PIKFYVE: variants seen among roughly 807,000 people sequenced by gnomAD.
PIKFYVE encodes phosphoinositide kinase, FYVE-type zinc finger containing, also known as 1-phosphatidylinositol 3-phosphate 5-kinase.
Under a neutral mutation model 257.9 loss-of-function variants are expected in PIKFYVE, and 122 were observed. The ratio of observed to expected loss-of-function variants is 0.47; its 90% confidence interval spans 0.41 to 0.55. PIKFYVE has a LOEUF of 0.55. Ranked by LOEUF, PIKFYVE falls within the 20% of genes least tolerant of loss-of-function variation. The pLI is 0.00. For synonymous variants in PIKFYVE, 892 were observed against 868.9 expected (o/e 1.03, Z -0.47); for missense variants, 2,160 against 2,536.6 (o/e 0.85, Z 3.19).
chr2:208,352,463 G>A (rs999724983), intron 38 of PIKFYVE, among the ~76,000 whole-genome samples, 191 bp from the exon 39 acceptor site: 1 of 152,098 alleles, frequency 6.6e-6, no homozygotes, highest in African/African-American at 2.4e-5. Flanking sequence ...AGAATGTTAA[G>A]GATCTAATAT....
chr2:208,271,036 CAA>C (rs199927508), intron 1 of PIKFYVE, among the ~76,000 whole-genome samples: 48 of 80,414 alleles, frequency 6.0e-4, no homozygotes, highest in Admixed American at 9.7e-4. Flanking sequence ...ACTCCATCTC[CAA>C]AAAAAAAAAA....
chr2:208,356,952 T>C lies in PIKFYVE; in HGVS notation c.*1647T>C, dbSNP rs1366487028. 1.3e-5 allele frequency: 2 copies of C among 152,620 alleles called. No homozygotes were observed. Among genetic ancestry groups the C allele is most frequent in the African/African-American group, 4.8e-5 (2 of 41,450 alleles). 9.5% of individuals were successfully genotyped at this position (152,620 alleles called of 1,614,324 possible). ...TGATGAATACTTGAATTAGGAACAT[T>C]GTGGAAAATTTGCTTTAGAGAATCA... On this transcript the variant is annotated 3_prime_UTR_variant, in exon 42 of 42. Coordinates refer to ENST00000264380, the MANE Select transcript of PIKFYVE (RefSeq NM_015040.4).
At chr2:208,345,969 CGTA>C in intron 33 of PIKFYVE, 78 bp from the exon 34 acceptor site, 1 of 946,360 alleles carries the variant, frequency 1.1e-6, no homozygotes, top group South Asian at 1.4e-5. Context: ...CAGTGTACAG[CGTA>C]ATTAGTGTAG....
At chr2:208,268,424 T>C (rs1032870036) in intron 1 of PIKFYVE, among the ~76,000 whole-genome samples, 8 of 5,294 alleles carry the variant, frequency 1.5e-3, no homozygotes, top group Non-Finnish European at 5.8e-3. Context: ...TCCAGAGCTC[T>C]TTTTTTTTTT....
intron 12 of PIKFYVE, 114 bp downstream of exon 12, chr2:208,305,127 G>T: frequency 6.4e-7 from 1 of 1,558,384 alleles, no homozygotes; most frequent in Non-Finnish European, 8.7e-7. Flanking sequence ...AGGGTATTTG[G>T]TGTGGGTTTT....
At chr2:208,300,553 G>A (rs1693556494) in intron 8 of PIKFYVE, among the ~76,000 whole-genome samples, 1 of 152,170 alleles carries the variant, frequency 6.6e-6, no homozygotes, top group Non-Finnish European at 1.5e-5. Context: ...TCTGTCAGTT[G>A]GGTACACAGT....
In PIKFYVE at chr2:208,324,126, G is replaced by T. The variant is rs755441012; in HGVS notation, c.2191-16G>T. 4 of 1,610,584 alleles carry T rather than the reference G, an allele frequency of 2.5e-6. No homozygotes were observed. The highest frequency in any genetic ancestry group is 3.4e-6 in the Non-Finnish European group (4 of 1,176,940). ...GCATTTTACCAGGTGTAATATTTCT[G>T]ATTTATCTTACTTAGGAAAGGGAAT... On this transcript the variant is annotated splice_polypyrimidine_tract_variant and intron_variant, in intron 17 of 41. Transcript: ENST00000264380.
chr2:208,339,702 A>G (rs1216455716), intron 30 of PIKFYVE, 147 bp downstream of exon 30: 1 of 1,160,976 alleles, frequency 8.6e-7, no homozygotes, highest in Admixed American at 2.0e-5. Context: ...TTTAGGTGGT[A>G]ACTACTTAAA....
chr2:208,350,120 G>A (rs1333118407), intron 36 of PIKFYVE, 37 bp downstream of exon 36: 5 of 1,609,880 alleles, frequency 3.1e-6, no homozygotes, highest in Non-Finnish European at 4.2e-6. Flanking sequence ...TTTGGGGAGA[G>A]GGACTACAGT....
At chr2:208,318,009 G>C (rs1435080144) in intron 16 of PIKFYVE, 68 bp downstream of exon 16, 2 of 1,453,004 alleles carry the variant, frequency 1.4e-6, no homozygotes, top group African/African-American at 2.8e-5. Flanking sequence ...ACAAGTTGGG[G>C]CACCTTAGTT....
rs1478895047 is a variant in PIKFYVE, at chr2:208,350,088, G to C, written c.5434+5G>C. 1 of 1,612,454 alleles carries C rather than the reference G, an allele frequency of 6.2e-7. No homozygotes were observed. Among genetic ancestry groups the C allele is most frequent in the South Asian group, 1.1e-5 (1 of 91,030 alleles). On this transcript the variant is annotated splice_donor_5th_base_variant and intron_variant, in intron 36 of 41. Coordinates refer to ENST00000264380, the MANE Select transcript of PIKFYVE (RefSeq NM_015040.4). ...TAAATCCTCATGTGGAACTTCGTAAGTATGAGATATTATATCATTGGTTTG... is the reference window on the plus strand; with the variant it reads ...TAAATCCTCATGTGGAACTTCGTAACTATGAGATATTATATCATTGGTTTG...
At chr2:208,301,349 A>G (rs1187211741) in intron 9 of PIKFYVE, among the ~76,000 whole-genome samples, 1 of 152,200 alleles carries the variant, frequency 6.6e-6, no homozygotes, top group Non-Finnish European at 1.5e-5. Flanking sequence ...TCTCTAGCAA[A>G]GGAGGATTAG....
chr2:208,348,599 AGTGTGTGTGTGT>A (rs35997291), intron 35 of PIKFYVE, among the ~76,000 whole-genome samples: 21 of 129,000 alleles, frequency 1.6e-4, no homozygotes, highest in South Asian at 1.1e-3. Context: ...AAAAAAAAAA[AGTGTGTGTGTGT>A]GTGTGTGTGT....
intron 24 of PIKFYVE, among the ~76,000 whole-genome samples, chr2:208,334,220 T>C (rs1697877468): frequency 6.6e-6 from 1 of 152,220 alleles, no homozygotes; most frequent in South Asian, 2.1e-4. Flanking sequence ...TGGATTATTG[T>C]AGTAGCCTTA....
At chr2:208,337,549 A>G (rs6704643) in intron 28 of PIKFYVE, among the ~76,000 whole-genome samples, 167 of 152,172 alleles carry the variant, frequency 1.1e-3, no homozygotes, top group African/African-American at 4.0e-3. Flanking sequence ...CTATCTAGAT[A>G]TATATCAATC....
At chr2:208,328,057 A>C (rs1697133110) in intron 20 of PIKFYVE, 123 bp from the exon 21 acceptor site, 2 of 1,557,482 alleles carry the variant, frequency 1.3e-6, no homozygotes, top group Non-Finnish European at 1.7e-6. Flanking sequence ...GTAGTTTTAA[A>C]TCTTGACCAG....
At chr2:208,343,607 G>T (rs993321334) in intron 32 of PIKFYVE, among the ~76,000 whole-genome samples, 2 of 152,156 alleles carry the variant, frequency 1.3e-5, no homozygotes, top group East Asian at 1.9e-4. Context: ...ATGTGAATGT[G>T]CTGTCTCTCT....
chr2:208,346,742 A>G (rs1300828737), intron 34 of PIKFYVE, among the ~76,000 whole-genome samples: 1 of 152,248 alleles, frequency 6.6e-6, no homozygotes, highest in East Asian at 1.9e-4. Flanking sequence ...TTATTTTTCT[A>G]AAATAACCAA....
intron 12 of PIKFYVE, among the ~76,000 whole-genome samples, chr2:208,306,749 C>A (rs1198441940): frequency 1.3e-5 from 2 of 150,360 alleles, no homozygotes; most frequent in Admixed American, 6.7e-5. Context: ...AAAATATGAC[C>A]CCTTTTGAAC....
Sources: allele counts gnomAD v4.1 joint callset (sites outside exome capture counted in the v4.1 genomes callset), GRCh38; gene constraint gnomAD v4.1.1; transcripts MANE v1.5; gene names NCBI Gene and HGNC (gene_info 2026-07-23, HGNC 2026-07-21).